APBA2: variants seen among roughly 807,000 people sequenced by gnomAD.
APBA2 encodes amyloid beta precursor protein binding family A member 2.
In APBA2, 30 loss-of-function variants were observed where a neutral mutation model predicts 75.0. The ratio of observed to expected loss-of-function variants is 0.40; its 90% confidence interval spans 0.30 to 0.54. The LOEUF (loss-of-function observed/expected upper bound fraction) is 0.54, where lower values mean the gene tolerates loss of function less well. Ranked by LOEUF, APBA2 falls within the 20% of genes least tolerant of loss-of-function variation. APBA2 has a pLI of 0.49. For synonymous variants in APBA2, 444 were observed against 409.6 expected (o/e 1.08, Z -1.01); for missense variants, 801 against 1,016.1 (o/e 0.79, Z 2.88).
At chr15:29,001,211 TTTTA>T (rs1313021118) in intron 3 of APBA2, among the ~76,000 whole-genome samples, 2 of 151,984 alleles carry the variant, frequency 1.3e-5, no homozygotes, top group Non-Finnish European at 2.9e-5. Flanking sequence ...TTATTTTTAT[TTTTA>T]TTTATTTATT....
At chr15:29,115,959 A>G (rs2045089280) in intron 14 of APBA2, among the ~76,000 whole-genome samples, 2 of 147,536 alleles carry the variant, frequency 1.4e-5, no homozygotes, top group East Asian at 3.9e-4. Flanking sequence ...TGACCCTGGC[A>G]GTGCGAGGGC....
chr15:29,024,112 C>A (rs1195868627), intron 3 of APBA2, among the ~76,000 whole-genome samples: 1 of 151,972 alleles, frequency 6.6e-6, no homozygotes, highest in Non-Finnish European at 1.5e-5. Context: ...CCATGTTAGC[C>A]AGGCTGGTCT....
At chr15:29,109,470 C>T (rs1299517371) in intron 13 of APBA2, among the ~76,000 whole-genome samples, 8 of 152,230 alleles carry the variant, frequency 5.3e-5, no homozygotes, top group Admixed American at 5.2e-4. Flanking sequence ...TCCACAAAGC[C>T]ACTCAGGGGC....
chr15:28,947,210 T>G (rs1459577924), intron 2 of APBA2, among the ~76,000 whole-genome samples: 1 of 152,112 alleles, frequency 6.6e-6, no homozygotes, highest in Non-Finnish European at 1.5e-5. Flanking sequence ...CGCTGGGCCC[T>G]TAGTGGAAAT....
intron 2 of APBA2, among the ~76,000 whole-genome samples, chr15:28,951,881 C>CTTTTTTTTT (rs71414600): frequency 9.1e-6 from 1 of 109,824 alleles, no homozygotes. Context: ...TGCACTCAGC[C>CTTTTTTTTT]TTTTTTTTTT....
chr15:29,011,849 A>G (rs2039419538), intron 3 of APBA2, among the ~76,000 whole-genome samples: 1 of 152,244 alleles, frequency 6.6e-6, no homozygotes, highest in Non-Finnish European at 1.5e-5. Context: ...CTAGATACAT[A>G]TAAATTTAGA....
intron 2 of APBA2, among the ~76,000 whole-genome samples, chr15:28,954,735 CT>C (rs2036077350): frequency 6.6e-6 from 1 of 152,170 alleles, no homozygotes; most frequent in Admixed American, 6.5e-5. Context: ...GAGTGAGGGC[CT>C]CCTGCCATGC....
intron 3 of APBA2, among the ~76,000 whole-genome samples, chr15:29,023,572 C>T (rs1440644331): frequency 1.3e-5 from 2 of 148,896 alleles, no homozygotes; most frequent in Non-Finnish European, 3.0e-5. Flanking sequence ...TCTCCTGCCT[C>T]AGCCTCCCGA....
At chr15:29,023,004 G>T (rs1259092909) in intron 3 of APBA2, among the ~76,000 whole-genome samples, 1 of 152,100 alleles carries the variant, frequency 6.6e-6, no homozygotes, top group Non-Finnish European at 1.5e-5. Flanking sequence ...TGTTGCTGGT[G>T]CTTAGGAGAG....
chr15:28,939,977 C>T (rs554045649), intron 2 of APBA2, among the ~76,000 whole-genome samples: 5 of 152,300 alleles, frequency 3.3e-5, no homozygotes, highest in South Asian at 2.1e-4. Context: ...GCTCCATCTC[C>T]GTGCTTACAG....
intron 3 of APBA2, among the ~76,000 whole-genome samples, chr15:29,008,228 T>C (rs2039225427): frequency 6.6e-6 from 1 of 152,112 alleles, no homozygotes; most frequent in Non-Finnish European, 1.5e-5. Flanking sequence ...TGCCAGGGGC[T>C]AGAAGGAGAG....
intron 3 of APBA2, among the ~76,000 whole-genome samples, chr15:28,996,633 G>A (rs2038539528): frequency 6.6e-6 from 1 of 152,192 alleles, no homozygotes; most frequent in Non-Finnish European, 1.5e-5. Flanking sequence ...TTTGGAGAAC[G>A]AGGAGCAGAG....
chr15:29,083,488 C>T (rs1034746839), intron 6 of APBA2, among the ~76,000 whole-genome samples: 2 of 152,028 alleles, frequency 1.3e-5, no homozygotes, highest in African/African-American at 2.4e-5. Flanking sequence ...TCCATAGTAA[C>T]TTTAAAACTA....
intron 1 of APBA2, among the ~76,000 whole-genome samples, chr15:28,901,916 G>GTGTGTGTGTGTGTGTGTA (rs2032884925): frequency 7.5e-6 from 1 of 133,956 alleles, no homozygotes; most frequent in South Asian, 2.7e-4. Context: ...TGATGTGTGT[G>GTGTGTGTGTGTGTGTGTA]TGTGTGTGTG....
At chr15:28,914,716 C>G (rs1355437103) in intron 1 of APBA2, among the ~76,000 whole-genome samples, 1 of 152,036 alleles carries the variant, frequency 6.6e-6, no homozygotes, top group Admixed American at 6.5e-5. Flanking sequence ...CGACCCTGAT[C>G]AGCCCCTTTG....
intron 3 of APBA2, among the ~76,000 whole-genome samples, chr15:29,004,993 A>G (rs1287530635): frequency 6.6e-6 from 1 of 152,054 alleles, no homozygotes; most frequent in Admixed American, 6.5e-5. Flanking sequence ...GACCTTGTTT[A>G]AATGCAGATT....
intron 2 of APBA2, among the ~76,000 whole-genome samples, chr15:28,967,665 C>T (rs1280756578): frequency 6.6e-6 from 1 of 152,152 alleles, no homozygotes; most frequent in Admixed American, 6.5e-5. Context: ...GTCTCGATCT[C>T]CTAACCTCAT....
intron 8 of APBA2, among the ~76,000 whole-genome samples, chr15:29,095,060 C>A (rs550985036): frequency 1.3e-5 from 2 of 148,346 alleles, no homozygotes; most frequent in Non-Finnish European, 3.0e-5. Flanking sequence ...GAGTGAGACC[C>A]TATCTCTTAA....
intron 2 of APBA2, among the ~76,000 whole-genome samples, chr15:28,929,394 C>A (rs546763234): frequency 2.6e-5 from 4 of 152,142 alleles, no homozygotes; most frequent in African/African-American, 9.7e-5. Context: ...AGTGAATTTG[C>A]GACACACATG....
Sources: allele counts gnomAD v4.1 joint callset (sites outside exome capture counted in the v4.1 genomes callset), GRCh38; gene constraint gnomAD v4.1.1; transcripts MANE v1.5; gene names NCBI Gene and HGNC (gene_info 2026-07-23, HGNC 2026-07-21).